Variants in LAPTM4B observed in about 807,000 individuals in gnomAD.
The protein encoded by LAPTM4B is lysosomal protein transmembrane 4 beta.
Under a neutral mutation model 28.5 loss-of-function variants are expected in LAPTM4B, and 26 were observed. The ratio of observed to expected loss-of-function variants is 0.91; its 90% CI spans 0.67 to 1.27. LAPTM4B has a LOEUF of 1.27. Ranked by LOEUF, LAPTM4B falls within the 50% of genes most tolerant of loss-of-function variation. The probability of loss-of-function intolerance (pLI) is 0.00; values close to 1 mark genes in which losing one functional copy is unlikely to be tolerated. For synonymous variants in LAPTM4B, 109 were observed against 106.4 expected, an observed-to-expected ratio of 1.02 and a Z score of -0.15; for missense variants, 288 against 285.8, an observed-to-expected ratio of 1.01 and a Z score of -0.06.
At chr8:97,808,682 T>C (rs952210392) in intron 2 of LAPTM4B, among the ~76,000 whole-genome samples, 1 of 152,138 alleles carries the variant, frequency 6.6e-6, no homozygotes, top group African/African-American at 2.4e-5. Flanking sequence ...CTGGGTGCGG[T>C]GGCTCACACC....
intron 2 of LAPTM4B, among the ~76,000 whole-genome samples, chr8:97,809,320 C>T (rs923795798): frequency 7.2e-5 from 11 of 152,180 alleles, no homozygotes; most frequent in African/African-American, 2.7e-4. Flanking sequence ...GGAAAGAAAG[C>T]AGAGTGACAT....
Position 97,850,476 on chromosome 8 carries a change from G to GTGTGTGTGTGTGTGTGTGTGTGTGTA in LAPTM4B, c.604-908_604-907insGTGTGTGTGTGTATGTGTGTGTGTGT, listed in dbSNP as rs151009828. On this transcript the variant is annotated intron_variant, in intron 6 of 6. Coordinates refer to ENST00000521545, the MANE Select transcript of LAPTM4B (RefSeq NM_018407.6). The stretch of plus-strand genomic sequence containing the variant: ...AGCTGGAGAGGAGGGGTGTGTGTGT[G>GTGTGTGTGTGTGTGTGTGTGTGTGTA]TGTGTGTGTGTGTTTGGGAGAGTGC... Among the ~76,000 whole-genome samples the GTGTGTGTGTGTGTGTGTGTGTGTGTA allele has an allele frequency of 2.1e-3, 311 of 147,664 alleles. 2 individuals are homozygous for GTGTGTGTGTGTGTGTGTGTGTGTGTA. The highest frequency in any genetic ancestry group is 2.6e-3 in the Non-Finnish European group (173 of 67,124).
At chr8:97,792,532 G>A (rs1230186768) in intron 1 of LAPTM4B, among the ~76,000 whole-genome samples, 1 of 152,074 alleles carries the variant, frequency 6.6e-6, no homozygotes, top group Non-Finnish European at 1.5e-5. Context: ...TGGGATTACA[G>A]GTGTGAGCCG....
At chr8:97,844,226 G>A (rs1270988619) in intron 6 of LAPTM4B, among the ~76,000 whole-genome samples, 1 of 152,010 alleles carries the variant, frequency 6.6e-6, no homozygotes, top group Non-Finnish European at 1.5e-5. Flanking sequence ...CCAAGTAGCT[G>A]GGATTACATG....
chr8:97,800,573 G>T (rs4735491), intron 1 of LAPTM4B, among the ~76,000 whole-genome samples: 4 of 143,076 alleles, frequency 2.8e-5, no homozygotes, highest in Admixed American at 2.3e-4. Context: ...CTCGGCTCAC[G>T]GTAACCTCCG....
At chr8:97,793,495 G>A (rs1220181516) in intron 1 of LAPTM4B, among the ~76,000 whole-genome samples, 2 of 152,258 alleles carry the variant, frequency 1.3e-5, no homozygotes, top group African/African-American at 2.4e-5. Flanking sequence ...CAGAATATCA[G>A]TATTGTCTAT....
chr8:97,850,332 C>T (rs1256471613), intron 6 of LAPTM4B, among the ~76,000 whole-genome samples: 1 of 151,756 alleles, frequency 6.6e-6, no homozygotes, highest in African/African-American at 2.4e-5. Context: ...TCCGTCACTC[C>T]GCAAACATCT....
chr8:97,829,939 C>T (rs1235546960), intron 6 of LAPTM4B, among the ~76,000 whole-genome samples: 1 of 152,146 alleles, frequency 6.6e-6, no homozygotes, highest in African/African-American at 2.4e-5. Context: ...TCGTGATCCA[C>T]CTGCCTCGGC....
In LAPTM4B at chr8:97,822,528, TTTTATTTATTTATTTATTTA is replaced by T. The variant is rs57772211; in HGVS notation, c.508-2507_508-2488del. Among the ~76,000 whole-genome samples, 891 of 143,416 alleles carry T rather than the reference TTTTATTTATTTATTTATTTA, an allele frequency of 6.2e-3. 6 individuals are homozygous for T. Among genetic ancestry groups the T allele is most frequent in the African/African-American group, 0.021 (835 of 39,702 alleles). 94.1% of individuals were successfully genotyped at this position (143,416 alleles called of 152,430 possible). A position where few individuals can be genotyped will look rare whatever the true frequency, so the allele number is the denominator to read the frequency against. On this transcript the variant is annotated intron_variant, in intron 5 of 6. Transcript: ENST00000521545. ...TTAGCTTCTGTCAGTATGACTTCTA[TTTTATTTATTTATTTATTTA>T]TTTATTTATTTATTTATTTATTAAG...
intron 1 of LAPTM4B, among the ~76,000 whole-genome samples, chr8:97,787,872 G>T (rs535506518): frequency 6.6e-6 from 1 of 151,236 alleles, no homozygotes; most frequent in Non-Finnish European, 1.5e-5. Flanking sequence ...TCACTTTGTC[G>T]CCCAGGCTGG....
At chr8:97,821,183 A>C (rs1816996341) in intron 5 of LAPTM4B, among the ~76,000 whole-genome samples, 3 of 152,168 alleles carry the variant, frequency 2.0e-5, no homozygotes, top group Middle Eastern at 3.4e-3. Flanking sequence ...AAAAATACAA[A>C]AAATTAGTTG....
chr8:97,789,183 C>T (rs1816458199), intron 1 of LAPTM4B, among the ~76,000 whole-genome samples: 1 of 150,922 alleles, frequency 6.6e-6, no homozygotes. Context: ...AAGCGATTGT[C>T]CTGCCTCAGC....
chr8:97,848,437 TCTG>T (rs149352626), intron 6 of LAPTM4B, among the ~76,000 whole-genome samples: 4,421 of 152,178 alleles, frequency 0.029, 209 homozygotes, highest in African/African-American at 0.1. Flanking sequence ...ATGTTAATCT[TCTG>T]TGAACATTTT....
chr8:97,790,825 C>T (rs1261250047), intron 1 of LAPTM4B, among the ~76,000 whole-genome samples: 3 of 152,272 alleles, frequency 2.0e-5, no homozygotes, highest in South Asian at 2.1e-4. Flanking sequence ...CCGCAACTTT[C>T]GCCTCCTGGG....
chr8:97,782,946 A>T (rs1013526823), intron 1 of LAPTM4B, among the ~76,000 whole-genome samples: 2 of 141,832 alleles, frequency 1.4e-5, no homozygotes, highest in African/African-American at 5.4e-5. Context: ...TTATTTATTT[A>T]TTTTTTAGTA....
At chr8:97,844,486 C>T (rs924942725) in intron 6 of LAPTM4B, among the ~76,000 whole-genome samples, 1 of 152,126 alleles carries the variant, frequency 6.6e-6, no homozygotes, top group Non-Finnish European at 1.5e-5. Flanking sequence ...TTAACATGTT[C>T]CCACCATCCT....
intron 1 of LAPTM4B, among the ~76,000 whole-genome samples, chr8:97,792,088 C>T (rs190350646): frequency 4.9e-4 from 74 of 152,186 alleles, no homozygotes; most frequent in African/African-American, 1.8e-3. Context: ...ATCCATTTTA[C>T]TCCTTAAACT....
In LAPTM4B at chr8:97,832,768, G is replaced by A. The variant is rs190882170; in HGVS notation, c.603+7615G>A. On this transcript the variant is annotated intron_variant, in intron 6 of 6. Coordinates refer to ENST00000521545, the MANE Select transcript of LAPTM4B (RefSeq NM_018407.6). ...GTCATCAAGGCTGGAGTGCACTGGC[G>A]CGATCTTGGCTCACTGCAACCTCTG... 5.0e-3 allele frequency among the ~76,000 whole-genome samples: 751 copies of A among 149,020 alleles called. 11 individuals carry two copies. Among genetic ancestry groups the A allele is most frequent in the African/African-American group, 0.017 (695 of 40,694 alleles).
chr8:97,779,752 C>CT (rs1391498486), intron 1 of LAPTM4B, among the ~76,000 whole-genome samples: 1 of 134,520 alleles, frequency 7.4e-6, no homozygotes. Context: ...AGACTCTTAT[C>CT]TAAAAAAAAA....
Sources: gnomAD v4.1 joint callset for allele counts (sites outside exome capture counted in the v4.1 genomes callset) on GRCh38, gnomAD v4.1.1 for gene constraint, MANE v1.5 for transcripts, NCBI Gene and HGNC (gene_info 2026-07-23, HGNC 2026-07-21) for gene names.